The following KLK12 variants were observed in gnomAD, a reference collection of about 807,000 sequenced individuals.
KLK12 encodes the protein kallikrein related peptidase 12.
Under a neutral mutation model 20.0 loss-of-function variants are expected in KLK12, and 23 were observed. That is an observed-to-expected ratio of 1.15 (90% CI 0.83 to 1.63). The LOEUF (loss-of-function observed/expected upper bound fraction) is 1.63, where lower values mean the gene tolerates loss of function less well. KLK12 is among the 40% of genes most tolerant of loss of function. The probability of loss-of-function intolerance (pLI) is 0.00; values close to 1 mark genes in which losing one functional copy is unlikely to be tolerated. For synonymous variants in KLK12, 147 were observed against 141.9 expected (o/e 1.04, Z -0.25); for missense variants, 351 against 338.6 (o/e 1.04, Z -0.29).
At chr19:51,032,158 G>C in intron 3 of KLK12, 23 bp from the exon 4 acceptor site, 1 of 1,582,412 alleles carries the variant, frequency 6.3e-7, no homozygotes, top group Non-Finnish European at 8.5e-7. Context: ...ACGGCTGAGC[G>C]GGTGGCAGGC....
At chr19:51,033,159 TGA>T (rs763030027) in intron 3 of KLK12, among the ~76,000 whole-genome samples, 13 of 149,120 alleles carry the variant, frequency 8.7e-5, no homozygotes, top group Admixed American at 1.4e-4. Context: ...GAGGCTGTAG[TGA>T]GCCAAGATAG....
chr19:51,031,552 TA>T (rs1013577722), intron 4 of KLK12, among the ~76,000 whole-genome samples: 1 of 148,204 alleles, frequency 6.7e-6, no homozygotes, highest in Non-Finnish European at 1.5e-5. Context: ...CGGTGACCTC[TA>T]ACCCCAGACC....
chr19:51,033,937 C>T lies in KLK12; in HGVS notation c.197+43G>A, dbSNP rs778610832. 8 of 1,592,338 alleles carry T rather than the reference C, an allele frequency of 5.0e-6. No homozygotes were observed. In the South Asian group the frequency reaches 9.1e-5, roughly 18 times the overall value. ...TTGTGATCCTACCCCCAGCGCTTGC[C>T]TTCCCATAGTCCTCCCTTCGCCCAC... On this transcript the variant is annotated intron_variant, in intron 3 of 5. Transcript: ENST00000684732.
chr19:51,030,862 G>C lies in KLK12; in HGVS notation c.517C>G (p.His173Asp). The C allele has an allele frequency of 6.2e-7, 1 of 1,614,192 alleles. No individual in the cohort carries two copies. The highest frequency in any genetic ancestry group is 8.5e-7 in the Non-Finnish European group (1 of 1,180,046). The change falls in exon 5 of 6, where the codon CAT (histidine) becomes GAT (aspartate). Residue 173 changes from histidine (H) to aspartate (D), a missense_variant. His to Asp is a moderately conservative substitution (Grantham distance 81). Transcript: ENST00000684732. ...GTGATTCTCCCGGGATACACACCAT[G>C]GCAGGTGGCATGGGAGACGATGGAG... ...NLSIVSHATC[H>D]GVYPGRITSN...
chr19:51,030,170 T>A (rs976709737), intron 5 of KLK12: 1 of 154,654 alleles, frequency 6.5e-6, no homozygotes, highest in Non-Finnish European at 1.5e-5. Flanking sequence ...CCTCTCCGTC[T>A]GTTTTGCTGT....
chr19:51,034,676 C>T, intron 1 of KLK12, 36 bp from the exon 2 acceptor site: 17 of 1,580,780 alleles, frequency 1.1e-5, no homozygotes, highest in Non-Finnish European at 1.5e-5. Context: ...GTCACCCTTT[C>T]CCTGTGCCCC....
chr19:51,031,927 C>A lies in KLK12; in HGVS notation c.406G>T (p.Ala136Ser). 2.5e-6 allele frequency: 4 copies of A among 1,613,374 alleles called. No individual in the cohort carries two copies. The highest frequency in any genetic ancestry group is 2.5e-6 in the Non-Finnish European group (3 of 1,179,656). ...PLPLPNDCAT[A>S]GTECHVSGWG... is the part of the protein sequence containing the mutation. ...CCTGAGACGTGGCACTCGGTGCCAGCGGTTGCACAGTCATTGGGCAGGGGC... is the reference window on the plus strand; with the variant it reads ...CCTGAGACGTGGCACTCGGTGCCAGAGGTTGCACAGTCATTGGGCAGGGGC... The change falls in exon 4 of 6, where the codon GCT becomes TCT. Residue 136 changes from alanine (A) to serine (S), a missense_variant. Ala to Ser is a moderately conservative substitution (Grantham distance 99). Coordinates refer to ENST00000684732, the MANE Select transcript of KLK12 (RefSeq NM_001370125.1).
At chr19:51,032,826 A>T (rs1478276560) in intron 3 of KLK12, among the ~76,000 whole-genome samples, 2 of 151,956 alleles carry the variant, frequency 1.3e-5, no homozygotes, top group Non-Finnish European at 2.9e-5. Flanking sequence ...TCATGATTGA[A>T]CGAGTGGGTT....
At chr19:51,031,601 T>C (rs933905713) in intron 4 of KLK12, among the ~76,000 whole-genome samples, 9 of 147,824 alleles carry the variant, frequency 6.1e-5, no homozygotes, top group African/African-American at 2.0e-4. Context: ...CATACATATA[T>C]ATATATATAT....
chr19:51,034,446 G>A (rs1445959392), intron 2 of KLK12, 139 bp downstream of exon 2: 2 of 1,494,906 alleles, frequency 1.3e-6, no homozygotes, highest in Non-Finnish European at 1.8e-6. Context: ...CAGGTAAATG[G>A]AGGCACAGAG....
In KLK12 at chr19:51,033,969, A is replaced by G. The variant is rs1371589767; in HGVS notation, c.197+11T>C. 6.2e-7 allele frequency: 1 copy of G among 1,610,306 alleles called. No individual in the cohort carries two copies. Among genetic ancestry groups the G allele is most frequent in the Non-Finnish European group, 8.5e-7 (1 of 1,179,022 alleles). On this transcript the variant is annotated intron_variant, in intron 3 of 5. Coordinates refer to ENST00000684732, the MANE Select transcript of KLK12 (RefSeq NM_001370125.1). ...TAGTCCTCCCTTCGCCCACCCCAGG[A>G]AGGGACTTACCTGCCGCTGCAGTGA...
chr19:51,034,469 C>G, intron 2 of KLK12, 116 bp downstream of exon 2: 2 of 1,527,724 alleles, frequency 1.3e-6, no homozygotes, highest in Non-Finnish European at 8.8e-7. Flanking sequence ...AGCCCCTCTC[C>G]TCCTCACCAC....
At chr19:51,033,750 G>A in intron 3 of KLK12, 1 of 597,952 alleles carries the variant, frequency 1.7e-6, no homozygotes, top group Non-Finnish European at 3.0e-6. Context: ...GAATGGGAGA[G>A]GCAGGAGGGC....
In KLK12 at chr19:51,034,527, A is replaced by C. The variant is rs765646621; in HGVS notation, c.37+58T>G. The C allele has an allele frequency of 1.8e-5, 29 of 1,588,490 alleles. No homozygotes were observed. The South Asian group carries it at 3.3e-4, about 18-fold the overall frequency. ...ATGGGGAGGGTGGTGGGGCCTCCTC[A>C]TGGGGGTGAAGGGATCCAGTCGCAG... On this transcript the variant is annotated intron_variant, in intron 2 of 5. Coordinates refer to ENST00000684732, the MANE Select transcript of KLK12 (RefSeq NM_001370125.1).
chr19:51,033,325 G>A (rs941508079), intron 3 of KLK12, among the ~76,000 whole-genome samples: 7 of 151,568 alleles, frequency 4.6e-5, no homozygotes, highest in African/African-American at 1.7e-4. Context: ...AAAGAGTTTG[G>A]GTCATGTTGG....
Position 51,034,310 on chromosome 19 carries a change from A to G in KLK12, c.38-171T>C, listed in dbSNP as rs17449309. The G allele has an allele frequency of 5.3e-3, 6,000 of 1,136,792 alleles. 177 individuals are homozygous for G. The African/African-American group carries it at 0.07, about 13-fold the overall frequency. The allele number at this position is 1,136,792 out of a possible 1,614,324, so 70.4% of individuals were successfully genotyped here. A position where few individuals can be genotyped will look rare whatever the true frequency, so the allele number is the denominator to read the frequency against. The stretch of plus-strand genomic sequence containing the variant: ...ATAGAAAAAGACCATGAAACATCAA[A>G]GACACCCAGGGAGAAAGATGCTTAC... On this transcript the variant is annotated intron_variant, in intron 2 of 5. Coordinates refer to ENST00000684732, the MANE Select transcript of KLK12 (RefSeq NM_001370125.1).
chr19:51,033,910 CCTT>C lies in KLK12; in HGVS notation c.197+67_197+69del. On this transcript the variant is annotated intron_variant, in intron 3 of 5. Transcript: ENST00000684732. ...CTTCTTCCCAGTGGGCACCACCCTC[CCTT>C]GTGATCCTACCCCCAGCGCTTGCCT... 28 of 1,451,678 alleles carry C rather than the reference CCTT, an allele frequency of 1.9e-5. No individual in the cohort carries two copies. The South Asian group carries it at 3.4e-4, about 17-fold the overall frequency. 89.9% of individuals were successfully genotyped at this position (1,451,678 alleles called of 1,614,324 possible). A position where few individuals can be genotyped will look rare whatever the true frequency, so the allele number is the denominator to read the frequency against.
At position 51,030,939 on chromosome 19, in the gene KLK12, G is replaced by A. The variant is rs116820749; in HGVS notation, c.458-18C>T. ...GAATGGGTCTGGAGAGAGAACATGCGTGCTGCAGGGTCCCCTAAATCTCCC... is the reference window on the plus strand; with the variant it reads ...GAATGGGTCTGGAGAGAGAACATGCATGCTGCAGGGTCCCCTAAATCTCCC... On this transcript the variant is annotated intron_variant, in intron 4 of 5. Coordinates refer to ENST00000684732, the MANE Select transcript of KLK12 (RefSeq NM_001370125.1). 4,171 of 1,613,732 alleles carry A rather than the reference G, an allele frequency of 2.6e-3. 108 individuals are homozygous for A. In the African/African-American group the frequency reaches 0.049, roughly 19 times the overall value.
At chr19:51,029,700 G>A (rs1419643654) in intron 5 of KLK12, among the ~76,000 whole-genome samples, 1 of 152,248 alleles carries the variant, frequency 6.6e-6, no homozygotes. Context: ...GTTCTCTCAA[G>A]GACAATGGCT....
Sources: allele counts gnomAD v4.1 joint callset (sites outside exome capture counted in the v4.1 genomes callset), GRCh38; gene constraint gnomAD v4.1.1; transcripts MANE v1.5; gene names NCBI Gene and HGNC (gene_info 2026-07-23, HGNC 2026-07-21).